NUMB: variants seen among roughly 807,000 people sequenced by gnomAD.
The protein encoded by NUMB is protein numb homolog.
Under a neutral mutation model 59.7 loss-of-function variants are expected in NUMB, and 29 were observed. The ratio of observed to expected loss-of-function variants is 0.49; its 90% confidence interval spans 0.36 to 0.66. The LOEUF (loss-of-function observed/expected upper bound fraction) is 0.66, where lower values mean the gene tolerates loss of function less well. Ranked by LOEUF, NUMB falls within the 30% of genes least tolerant of loss-of-function variation. The pLI, the probability that NUMB is intolerant of heterozygous loss-of-function variation, is 0.00. For missense variants in NUMB, 723 were observed against 822.0 expected, an observed-to-expected ratio of 0.88 and a Z score of 1.47; for synonymous variants, 288 against 288.2, an observed-to-expected ratio of 1.00 and a Z score of 0.01.
intron 1 of NUMB, among the ~76,000 whole-genome samples, chr14:73,416,394 C>T (rs111975785): frequency 1.7e-3 from 257 of 149,424 alleles, no homozygotes; most frequent in African/African-American, 6.1e-3. Context: ...GTTGTGGGGG[C>T]GCACTCCTAT....
At position 73,454,492 on chromosome 14, in the gene NUMB, G is replaced by A. The variant is rs534598964; in HGVS notation, c.-233+4001C>T. ...TTTCTATTAGAATTTATTGTACAGCGAGTTGGAGAGCAGGAAGCAGAAAAG... is the reference window on the plus strand; with the variant it reads ...TTTCTATTAGAATTTATTGTACAGCAAGTTGGAGAGCAGGAAGCAGAAAAG... On this transcript the variant is annotated intron_variant, in intron 1 of 12. Transcript: ENST00000555238. Among the ~76,000 whole-genome samples, 33 of 152,282 alleles carry A rather than the reference G, an allele frequency of 2.2e-4. 1 individual carries two copies. The South Asian group carries it at 4.6e-3, about 21-fold the overall frequency.
At chr14:73,330,763 C>T (rs1891932078) in intron 4 of NUMB, among the ~76,000 whole-genome samples, 1 of 151,900 alleles carries the variant, frequency 6.6e-6, no homozygotes, top group African/African-American at 2.4e-5. Context: ...AGAGACAGAA[C>T]CAATAGGATG....
chr14:73,352,537 T>G lies in NUMB; in HGVS notation c.126+3089A>C, dbSNP rs1271366408. Among the ~76,000 whole-genome samples the G allele has an allele frequency of 2.2e-3, 165 of 76,032 alleles. 5 individuals carry two copies. The highest frequency in any genetic ancestry group is 4.4e-3 in the Admixed American group (27 of 6,150). The allele number at this position is 76,032 out of a possible 152,430, so 49.9% of individuals were successfully genotyped here. A position where few individuals can be genotyped will look rare whatever the true frequency, so the allele number is the denominator to read the frequency against. ...ATATATATATATATATATGTTTTTT[T>G]TTTTTTTTTTTTTTTGAGACAGAGT... On this transcript the variant is annotated intron_variant, in intron 4 of 12. Coordinates refer to ENST00000555238, the MANE Select transcript of NUMB (RefSeq NM_001005743.2).
intron 4 of NUMB, among the ~76,000 whole-genome samples, chr14:73,341,307 G>C (rs1468472290): frequency 6.6e-6 from 1 of 152,072 alleles, no homozygotes; most frequent in Non-Finnish European, 1.5e-5. Context: ...ATAAATTTAT[G>C]AATATAGGAT....
chr14:73,293,484 C>T (rs969959022), intron 7 of NUMB, among the ~76,000 whole-genome samples: 58 of 150,696 alleles, frequency 3.8e-4, no homozygotes, highest in South Asian at 2.1e-4. Context: ...CTCTGCCTCC[C>T]GGGTTCAAGC....
rs769689392 is a variant in NUMB, at chr14:73,276,684, T to G, written c.1850A>C (p.Glu617Ala). 6.2e-7 allele frequency: 1 copy of G among 1,614,202 alleles called. No individual in the cohort carries two copies. Among genetic ancestry groups the G allele is most frequent in the Non-Finnish European group, 8.5e-7 (1 of 1,180,020 alleles). Residue 617 changes from glutamate (E) to alanine (A), a missense_variant, in exon 13 of 13, where the codon GAA (glutamate) becomes GCA (alanine). Physicochemically the swap from Glu to Ala is moderately radical, Grantham distance 107. Transcript: ENST00000555238. ...ATTTTCTAATGCAGCCCACTGGGCT[T>G]CAAAAGGATCCACTGGGCAGGTGCC... is the stretch of plus-strand genomic sequence containing the variant. ...PTGTCPVDPF[E>A]AQWAALENKS... is the part of the protein sequence containing the mutation.
intron 7 of NUMB, among the ~76,000 whole-genome samples, chr14:73,295,409 C>A (rs74061095): frequency 0.071 from 10,832 of 152,212 alleles, 872 homozygotes; most frequent in South Asian, 0.19. Flanking sequence ...TATCACTTTC[C>A]AACTATTGTA....
At position 73,282,234 on chromosome 14, in the gene NUMB, A is replaced by C. The variant is rs1297094008; in HGVS notation, c.1096+125T>G. ...AGAAATCAATGAATCTAAGACATCA[A>C]ATAGAGAAATTAATGGGTCTGACCA... On this transcript the variant is annotated intron_variant, in intron 11 of 12. Coordinates refer to ENST00000555238, the MANE Select transcript of NUMB (RefSeq NM_001005743.2). The C allele has an allele frequency of 8.7e-6, 7 of 803,762 alleles. No homozygotes were observed. In the East Asian group the frequency reaches 2.0e-4, roughly 22 times the overall value. 49.8% of individuals were successfully genotyped at this position (803,762 alleles called of 1,614,324 possible).
chr14:73,415,004 A>G (rs973760382), intron 1 of NUMB, among the ~76,000 whole-genome samples: 29 of 152,148 alleles, frequency 1.9e-4, no homozygotes, highest in Admixed American at 6.6e-5. Context: ...CAGGTGCGCT[A>G]CCACGCCCAG....
At chr14:73,357,780 A>G (rs1236025533) in intron 3 of NUMB, among the ~76,000 whole-genome samples, 1 of 152,028 alleles carries the variant, frequency 6.6e-6, no homozygotes, top group African/African-American at 2.4e-5. Context: ...TTAAGTAAAT[A>G]AATAAAGGAA....
intron 3 of NUMB, among the ~76,000 whole-genome samples, chr14:73,362,886 T>C (rs1366973436): frequency 6.6e-6 from 1 of 152,094 alleles, no homozygotes; most frequent in African/African-American, 2.4e-5. Flanking sequence ...CAGTGGCTCA[T>C]GCCTGTAATC....
chr14:73,436,780 A>G (rs1359130857), intron 1 of NUMB, among the ~76,000 whole-genome samples: 1 of 151,538 alleles, frequency 6.6e-6, no homozygotes, highest in East Asian at 2.0e-4. Flanking sequence ...AGAGATCAAG[A>G]CCATCCTGGC....
At chr14:73,277,422 G>T (rs916690753) in intron 12 of NUMB, 129 bp from the exon 13 acceptor site, 9 of 744,322 alleles carry the variant, frequency 1.2e-5, no homozygotes, top group Non-Finnish European at 1.7e-5. Flanking sequence ...TTGTGGTTTT[G>T]ATAGGTAGGA....
intron 6 of NUMB, among the ~76,000 whole-genome samples, chr14:73,301,794 T>C (rs1389788546): frequency 7.6e-6 from 1 of 131,196 alleles, no homozygotes. Flanking sequence ...TATAAAAACA[T>C]GTGTGGCCGG....
At chr14:73,340,081 G>C (rs902070718) in intron 4 of NUMB, among the ~76,000 whole-genome samples, 1 of 152,154 alleles carries the variant, frequency 6.6e-6, no homozygotes, top group Non-Finnish European at 1.5e-5. Flanking sequence ...TTAGGCTCTG[G>C]CCATTTGAGG....
intron 4 of NUMB, among the ~76,000 whole-genome samples, chr14:73,347,513 T>C (rs1262894951): frequency 6.6e-6 from 1 of 152,218 alleles, no homozygotes; most frequent in African/African-American, 2.4e-5. Context: ...TGTTGTCTCC[T>C]TCCTTATTTT....
intron 2 of NUMB, among the ~76,000 whole-genome samples, chr14:73,371,742 G>T (rs117698297): frequency 6.6e-6 from 1 of 152,268 alleles, no homozygotes; most frequent in Non-Finnish European, 1.5e-5. Context: ...GCTTCGTGCA[G>T]CTTCAGCTAG....
intron 4 of NUMB, among the ~76,000 whole-genome samples, chr14:73,352,455 CACATACACACACACACACACACATAT>C (rs1263752081): frequency 1.6e-3 from 32 of 20,178 alleles, no homozygotes; most frequent in East Asian, 0.011. Flanking sequence ...CACACACACA[CACATACACACACACACACACACATAT>C]ATATATATAT....
chr14:73,350,568 G>A (rs1183886259), intron 4 of NUMB, among the ~76,000 whole-genome samples: 4 of 149,202 alleles, frequency 2.7e-5, no homozygotes, highest in Non-Finnish European at 5.9e-5. Context: ...TTTTTTTTGA[G>A]ACAGGGTCTC....
Sources: allele counts gnomAD v4.1 joint callset (sites outside exome capture counted in the v4.1 genomes callset), GRCh38; gene constraint gnomAD v4.1.1; transcripts MANE v1.5; gene names NCBI Gene and HGNC (gene_info 2026-07-23, HGNC 2026-07-21).